Variants in AP1G1 observed in about 807,000 individuals in gnomAD.
The protein encoded by AP1G1 is adaptor related protein complex 1 subunit gamma 1, also known as AP-1 complex subunit gamma-1.
In AP1G1, 7 loss-of-function variants were observed where a neutral mutation model predicts 108.3. The observed-to-expected ratio is 0.06, with a 90% CI of 0.04 to 0.12. The LOEUF (loss-of-function observed/expected upper bound fraction) is 0.12. Ranked by LOEUF, AP1G1 falls within the 10% of genes least tolerant of loss-of-function variation. The pLI is 1.00. For missense variants in AP1G1, 756 were observed against 1,010.7 expected (o/e 0.75, Z 3.42); for synonymous variants, 379 against 353.5 (o/e 1.07, Z -0.81).
chr16:71,735,810 A>C (rs1195713297), intron 21 of AP1G1, among the ~76,000 whole-genome samples: 1 of 151,972 alleles, frequency 6.6e-6, no homozygotes, highest in African/African-American at 2.4e-5. Flanking sequence ...TCTAGGGCCA[A>C]AAGTTGCAAG....
At chr16:71,789,017 C>T (rs1408614593) in intron 2 of AP1G1, among the ~76,000 whole-genome samples, 7 of 152,170 alleles carry the variant, frequency 4.6e-5, no homozygotes, top group African/African-American at 1.7e-4. Context: ...ACCACATAAT[C>T]CTGGTCAATC....
chr16:71,772,773 A>T (rs543208748), intron 4 of AP1G1, among the ~76,000 whole-genome samples: 69 of 152,302 alleles, frequency 4.5e-4, no homozygotes, highest in Non-Finnish European at 7.2e-4. Context: ...TCAACAAATA[A>T]AATCAGATAG....
At chr16:71,734,485 G>A in intron 22 of AP1G1, 124 bp downstream of exon 22, 1 of 769,146 alleles carries the variant, frequency 1.3e-6, no homozygotes, top group Non-Finnish European at 2.2e-6. Flanking sequence ...AGTTAGACCA[G>A]GCATTTTCAT....
chr16:71,755,979 CA>C, intron 12 of AP1G1, 39 bp downstream of exon 12: 12 of 1,587,768 alleles, frequency 7.6e-6, no homozygotes, highest in Non-Finnish European at 9.4e-6. Flanking sequence ...CCAAAAGTTC[CA>C]AGCAGACTTT....
chr16:71,740,201 T>C (rs969870655), intron 19 of AP1G1, among the ~76,000 whole-genome samples: 9 of 152,208 alleles, frequency 5.9e-5, no homozygotes, highest in African/African-American at 1.9e-4. Context: ...ACCTTGACAG[T>C]AATAGCTTTT....
intron 1 of AP1G1, chr16:71,808,341 G>A: frequency 1.3e-6 from 1 of 781,300 alleles, no homozygotes; most frequent in Non-Finnish European, 1.7e-6. Context: ...GATATGCTGG[G>A]AGTTATCTGA....
At chr16:71,768,995 A>C (rs1246384985) in intron 6 of AP1G1, among the ~76,000 whole-genome samples, 2 of 138,808 alleles carry the variant, frequency 1.4e-5, no homozygotes, top group African/African-American at 5.3e-5. Flanking sequence ...AAAAAAAAAA[A>C]AAACAGGCCA....
intron 1 of AP1G1, among the ~76,000 whole-genome samples, chr16:71,799,958 C>T (rs2032726672): frequency 2.0e-5 from 3 of 151,560 alleles, no homozygotes; most frequent in African/African-American, 4.8e-5. Flanking sequence ...CGGTGGCTCA[C>T]GCCTGTAACC....
chr16:71,744,578 T>G (rs1176885623), intron 19 of AP1G1, among the ~76,000 whole-genome samples: 1 of 147,598 alleles, frequency 6.8e-6, no homozygotes, highest in Non-Finnish European at 1.5e-5. Context: ...TGTGTTTTTT[T>G]TTTTTTTTTT....
intron 1 of AP1G1, among the ~76,000 whole-genome samples, chr16:71,804,388 G>A (rs1415268560): frequency 1.4e-5 from 2 of 143,646 alleles, no homozygotes. Context: ...AAATACAAAA[G>A]ATTTCTATAT....
At chr16:71,754,119 G>T (rs567778676) in intron 12 of AP1G1, among the ~76,000 whole-genome samples, 2 of 152,084 alleles carry the variant, frequency 1.3e-5, no homozygotes, top group East Asian at 3.9e-4. Context: ...GGTGCCTGTA[G>T]TTCAGCTACT....
Position 71,756,144 on chromosome 16 carries a change from C to T in AP1G1, c.1104G>A (p.Leu368=). 2 of 1,611,060 alleles carry T rather than the reference C, an allele frequency of 1.2e-6. No homozygotes were observed. The highest frequency in any genetic ancestry group is 1.7e-6 in the Non-Finnish European group (2 of 1,179,142). The stretch of plus-strand genomic sequence containing the variant: ...TATTCCCATTTACCAGGGCAAAACT[C>T]AATTCCATTGCACGCCTTGCAGAAG... ...DVSIKRRAME[L]SFALVNGNNI... The change falls in exon 12 of 23, where the codon TTG becomes TTA. Residue 368 remains leucine, a synonymous_variant. Coordinates refer to ENST00000299980, the MANE Select transcript of AP1G1 (RefSeq NM_001128.6).
intron 21 of AP1G1, among the ~76,000 whole-genome samples, chr16:71,736,115 AAAATATATATATAT>A (rs2045534530): frequency 2.7e-5 from 2 of 73,542 alleles, no homozygotes; most frequent in South Asian, 1.6e-3. Flanking sequence ...AAAAAAAAAA[AAAATATATATATAT>A]ATATATATAT....
In AP1G1 at chr16:71,739,363, A is replaced by T. The variant is rs114855107; in HGVS notation, c.2000-22T>A. The T allele has an allele frequency of 8.5e-4, 1,320 of 1,547,592 alleles. 12 individuals carry two copies. In the African/African-American group the frequency reaches 0.017, roughly 19 times the overall value. The stretch of plus-strand genomic sequence containing the variant: ...GCACCTAAAGGAAATATTTTAATGG[A>T]AAGTTAACCTTAGGCAGCATGACAA... On this transcript the variant is annotated intron_variant, in intron 19 of 22. Coordinates refer to ENST00000299980, the MANE Select transcript of AP1G1 (RefSeq NM_001128.6).
rs55761928 is a variant in AP1G1, at chr16:71,794,835, CTTTTTTTTTTTTTTTTTT to C, written c.-3-5371_-3-5354del. ...TACCATTCTCAGGCCATGAGAAGTG[CTTTTTTTTTTTTTTTTTT>C]TTTTTTTTTTTACTTTGAAATGCCT... On this transcript the variant is annotated intron_variant, in intron 1 of 22. Transcript: ENST00000299980. Among the ~76,000 whole-genome samples the C allele has an allele frequency of 3.0e-4, 12 of 39,658 alleles. No homozygotes were observed. In the South Asian group the frequency reaches 5.6e-3, roughly 18 times the overall value. 26.0% of individuals were successfully genotyped at this position (39,658 alleles called of 152,430 possible). A position where few individuals can be genotyped will look rare whatever the true frequency, so the allele number is the denominator to read the frequency against.
chr16:71,763,147 G>T (rs1207965768), intron 9 of AP1G1, among the ~76,000 whole-genome samples: 1 of 152,206 alleles, frequency 6.6e-6, no homozygotes, highest in Non-Finnish European at 1.5e-5. Flanking sequence ...GATTGCTTGA[G>T]GCCAGGAGTT....
At chr16:71,766,924 A>C (rs1417244811) in intron 6 of AP1G1, among the ~76,000 whole-genome samples, 1 of 152,242 alleles carries the variant, frequency 6.6e-6, no homozygotes, top group Non-Finnish European at 1.5e-5. Context: ...TAAATTCATT[A>C]AATCTGTCAA....
chr16:71,759,627 G>T (rs1456776307), intron 10 of AP1G1, among the ~76,000 whole-genome samples: 1 of 151,182 alleles, frequency 6.6e-6, no homozygotes, highest in Non-Finnish European at 1.5e-5. Context: ...GGGCGTGGTG[G>T]CAGGCACCTG....
intron 1 of AP1G1, among the ~76,000 whole-genome samples, chr16:71,798,523 G>A (rs762745012): frequency 2.0e-5 from 3 of 151,854 alleles, no homozygotes; most frequent in Non-Finnish European, 2.9e-5. Context: ...GACAGTTTCA[G>A]AAACCAAAGA....
Sources: allele counts gnomAD v4.1 joint callset (sites outside exome capture counted in the v4.1 genomes callset), GRCh38; gene constraint gnomAD v4.1.1; transcripts MANE v1.5; gene names NCBI Gene and HGNC (gene_info 2026-07-23, HGNC 2026-07-21).